The following INO80D variants were observed in gnomAD, a reference collection of about 807,000 sequenced individuals.
INO80D encodes INO80 complex subunit D.
In INO80D, 21 loss-of-function variants were observed where a neutral mutation model predicts 87.6. The observed-to-expected ratio is 0.24, with a 90% CI of 0.17 to 0.35. The LOEUF is 0.35. INO80D is among the 10% of genes least tolerant of loss of function. INO80D has a pLI of 1.00. For missense variants in INO80D, 982 were observed against 1,280.7 expected, an observed-to-expected ratio of 0.77 and a Z score of 3.56; for synonymous variants, 440 against 491.0, an observed-to-expected ratio of 0.90 and a Z score of 1.37.
At chr2:206,025,090 G>T (rs6759124) in intron 6 of INO80D, among the ~76,000 whole-genome samples, 50,434 of 151,416 alleles carry the variant, frequency 0.33, 8,948 homozygotes, top group South Asian at 0.58. Flanking sequence ...TTTCCCTCAA[G>T]TGACTTATGA....
intron 5 of INO80D, among the ~76,000 whole-genome samples, chr2:206,030,066 T>A (rs1688720420): frequency 6.6e-6 from 1 of 152,164 alleles, no homozygotes; most frequent in African/African-American, 2.4e-5. Flanking sequence ...AGGTCTACAC[T>A]TGGGAGTTCT....
intron 1 of INO80D, among the ~76,000 whole-genome samples, chr2:206,069,942 A>AG (rs1689915607): frequency 6.6e-6 from 1 of 152,142 alleles, no homozygotes; most frequent in South Asian, 2.1e-4. Context: ...CGAAAAGAGC[A>AG]GATTTGTGGA....
intron 9 of INO80D, 36 bp downstream of exon 9, chr2:206,009,541 T>C (rs2105801062): frequency 6.5e-7 from 1 of 1,540,878 alleles, no homozygotes; most frequent in Non-Finnish European, 8.8e-7. Flanking sequence ...AATCCCAAAA[T>C]GTAAAGAAAA....
intron 1 of INO80D, among the ~76,000 whole-genome samples, chr2:206,073,683 T>A (rs570681769): frequency 7.0e-4 from 106 of 152,044 alleles, no homozygotes; most frequent in African/African-American, 2.3e-3. Flanking sequence ...CCAGCTAATT[T>A]TTCATATTTT....
intron 1 of INO80D, among the ~76,000 whole-genome samples, chr2:206,063,916 A>G (rs1383724962): frequency 1.3e-5 from 2 of 152,066 alleles, no homozygotes; most frequent in Non-Finnish European, 2.9e-5. Context: ...TAGACCTAAA[A>G]CTTCTCTCAG....
At chr2:206,006,947 C>A (rs1472254896) in intron 10 of INO80D, among the ~76,000 whole-genome samples, 1 of 151,916 alleles carries the variant, frequency 6.6e-6, no homozygotes, top group Non-Finnish European at 1.5e-5. Context: ...CTCGGGAGGC[C>A]GAGGCGAAAG....
At chr2:206,057,066 G>T in intron 3 of INO80D, 123 bp from the exon 4 acceptor site, 1 of 929,820 alleles carries the variant, frequency 1.1e-6, no homozygotes, top group Non-Finnish European at 1.6e-6. Context: ...TTGGCAGCCA[G>T]CAACTTAACA....
In INO80D at chr2:206,004,766, T is replaced by C; in HGVS notation, c.2686A>G (p.Asn896Asp). The C allele has an allele frequency of 6.2e-7, 1 of 1,613,924 alleles. No homozygotes were observed. Among genetic ancestry groups the C allele is most frequent in the Non-Finnish European group, 8.5e-7 (1 of 1,179,864 alleles). ...CTAAATGGAGAGGGGTCTCCAAGGT[T>C]GACAGGGAGATTGCCCCAGTGAGTT... ...PRTHWGNLPV[N>D]LGDPSPFSNL... Residue 896 changes from asparagine to aspartate, a missense_variant, in exon 11 of 11, where the codon AAC (asparagine) becomes GAC (aspartate). Coordinates refer to ENST00000403263, the MANE Select transcript of INO80D (RefSeq NM_017759.5). The surrounding 1 kb of genome is among the most constrained non-coding windows in gnomAD (Gnocchi z 4.9).
intron 8 of INO80D, among the ~76,000 whole-genome samples, chr2:206,011,458 A>G (rs1178783811): frequency 6.6e-6 from 1 of 152,204 alleles, no homozygotes. Context: ...CCAGAGAGCT[A>G]GAGCCCCCAC....
chr2:206,022,218 T>A (rs1452996967), intron 6 of INO80D, among the ~76,000 whole-genome samples: 1 of 150,930 alleles, frequency 6.6e-6, no homozygotes, highest in Non-Finnish European at 1.5e-5. Context: ...ACAAAAAAAA[T>A]TAGCTGGGCA....
At chr2:206,058,436 A>AC (rs1689590243) in intron 3 of INO80D, among the ~76,000 whole-genome samples, 1 of 140,832 alleles carries the variant, frequency 7.1e-6, no homozygotes, top group Non-Finnish European at 1.5e-5. Context: ...AAAAAAAAAA[A>AC]AAAAAACCTA....
At position 206,004,534 on chromosome 2, in the gene INO80D, G is replaced by A. The variant is rs1291296397; in HGVS notation, c.2918C>T (p.Pro973Leu). Residue 973 changes from proline (P) to leucine (L), a missense_variant, in exon 11 of 11, where the codon CCT (proline) becomes CTT (leucine). Coordinates refer to ENST00000403263, the MANE Select transcript of INO80D (RefSeq NM_017759.5). The surrounding 1 kb of genome is among the most constrained non-coding windows in gnomAD (Gnocchi z 4.9). ...MASTSPKQQL[P>L]QFSAAFGHQL... ...GTGGCCAAAGGCTGCGCTGAACTGA[G>A]GGAGTTGCTGCTTGGGAGAGGTGGA... is the stretch of plus-strand genomic sequence containing the variant. The A allele has an allele frequency of 6.8e-6, 11 of 1,610,982 alleles. No individual in the cohort carries two copies. The highest frequency in any genetic ancestry group is 1.3e-5 in the African/African-American group (1 of 74,866).
intron 1 of INO80D, among the ~76,000 whole-genome samples, chr2:206,080,142 T>C (rs1460268476): frequency 6.6e-6 from 1 of 152,196 alleles, no homozygotes; most frequent in Non-Finnish European, 1.5e-5. Context: ...AGAACGTGTC[T>C]CTATTGCAAA....
chr2:205,997,775 A>C lies in INO80D; in HGVS notation c.*6593T>G, dbSNP rs901489999. ...AGCTAGCCTTTTAACATAAGATAAC[A>C]TAATGATTAATTTGGTGTATTTATA... On this transcript the variant is annotated 3_prime_UTR_variant, in exon 11 of 11. Transcript: ENST00000403263. 1.3e-5 allele frequency: 2 copies of C among 152,240 alleles called. No homozygotes were observed. Among genetic ancestry groups the C allele is most frequent in the Non-Finnish European group, 2.9e-5 (2 of 68,016 alleles). 9.4% of individuals were successfully genotyped at this position (152,240 alleles called of 1,614,324 possible).
chr2:206,065,919 G>C (rs533185158), intron 1 of INO80D, among the ~76,000 whole-genome samples: 1 of 152,268 alleles, frequency 6.6e-6, no homozygotes, highest in African/African-American at 2.4e-5. Flanking sequence ...AGCAAAAAGG[G>C]AACTCTTGTA....
chr2:206,031,874 C>A (rs1485744587), intron 5 of INO80D, among the ~76,000 whole-genome samples: 4 of 152,166 alleles, frequency 2.6e-5, no homozygotes, highest in Non-Finnish European at 4.4e-5. Flanking sequence ...GCCCAAACTG[C>A]GGAAGTAGGA....
At position 206,034,284 on chromosome 2, in the gene INO80D, T is replaced by C. The variant is rs535494891; in HGVS notation, c.1074-5949A>G. Among the ~76,000 whole-genome samples the C allele has an allele frequency of 7.2e-5, 11 of 151,796 alleles. 1 individual carries two copies. The South Asian group carries it at 2.3e-3, about 32-fold the overall frequency. Reference sequence around the variant, plus strand: ...TCACCCTAATACCAAAACCAGGACATAACCAAAAAAGAAAACCACAGACCG... The same window carrying C: ...TCACCCTAATACCAAAACCAGGACACAACCAAAAAAGAAAACCACAGACCG... On this transcript the variant is annotated intron_variant, in intron 5 of 10. Transcript: ENST00000403263.
intron 4 of INO80D, 67 bp from the exon 5 acceptor site, chr2:206,046,679 G>C: frequency 1.9e-6 from 2 of 1,049,686 alleles, no homozygotes; most frequent in South Asian, 2.6e-5. Context: ...AAACTAAAAA[G>C]CTACACAAAA....
intron 9 of INO80D, chr2:206,007,824 A>T (rs1264334199): frequency 1.0e-5 from 1 of 97,598 alleles, no homozygotes; most frequent in East Asian, 3.9e-4. Context: ...TCTGTCTCAA[A>T]AAAAAAAACA....
Sources: allele counts gnomAD v4.1 joint callset (sites outside exome capture counted in the v4.1 genomes callset), GRCh38; gene constraint gnomAD v4.1.1; non-coding constraint Gnocchi (gnomAD v3.1); transcripts MANE v1.5; gene names NCBI Gene and HGNC (gene_info 2026-07-23, HGNC 2026-07-21).